NCOA1: variants seen among roughly 807,000 people sequenced by gnomAD.
NCOA1 encodes nuclear receptor coactivator 1.
NCOA1 carries 35 observed loss-of-function variants against 150.9 expected under a neutral mutation model. The observed-to-expected ratio is 0.23, with a 90% CI of 0.18 to 0.31. The LOEUF is 0.31. NCOA1 is among the 10% of genes least tolerant of loss of function. The probability of loss-of-function intolerance (pLI) is 1.00; values close to 1 mark genes in which losing one functional copy is unlikely to be tolerated. For missense variants in NCOA1, 1,491 were observed against 1,749.3 expected (o/e 0.85, Z 2.63); for synonymous variants, 590 against 630.0 (o/e 0.94, Z 0.95).
At chr2:24,655,048 G>A (rs1558876941) in intron 4 of NCOA1, among the ~76,000 whole-genome samples, 1 of 151,930 alleles carries the variant, frequency 6.6e-6, no homozygotes, top group Admixed American at 6.6e-5. Flanking sequence ...TTAATTTTAT[G>A]TGTTGTTGTC....
chr2:24,751,245 C>T (rs1339812452), intron 19 of NCOA1, among the ~76,000 whole-genome samples: 2 of 150,200 alleles, frequency 1.3e-5, no homozygotes, highest in African/African-American at 2.4e-5. Context: ...GGATTACAGG[C>T]GTGAGCCACA....
At chr2:24,687,358 C>CT (rs879418456) in intron 8 of NCOA1, among the ~76,000 whole-genome samples, 32 of 145,472 alleles carry the variant, frequency 2.2e-4, no homozygotes, top group East Asian at 7.9e-4. Context: ...AATGTAAAGC[C>CT]TTTTTTTTTT....
chr2:24,656,699 T>C (rs1670968018), intron 4 of NCOA1, among the ~76,000 whole-genome samples: 1 of 152,218 alleles, frequency 6.6e-6, no homozygotes, highest in East Asian at 1.9e-4. Context: ...AGTTTACACA[T>C]GAGTGAGAAT....
intron 3 of NCOA1, among the ~76,000 whole-genome samples, chr2:24,615,571 G>A (rs1048665367): frequency 6.6e-6 from 1 of 152,138 alleles, no homozygotes; most frequent in African/African-American, 2.4e-5. Context: ...ACTGGTCGAT[G>A]GTGCTGGTGG....
At chr2:24,721,224 ATTAC>A (rs1171021037) in intron 14 of NCOA1, among the ~76,000 whole-genome samples, 1 of 152,088 alleles carries the variant, frequency 6.6e-6, no homozygotes, top group Non-Finnish European at 1.5e-5. Context: ...TTAGGAGTCT[ATTAC>A]TTTTTATGGA....
At chr2:24,653,609 T>TA (rs1006645057) in intron 4 of NCOA1, among the ~76,000 whole-genome samples, 14 of 152,136 alleles carry the variant, frequency 9.2e-5, no homozygotes, top group Non-Finnish European at 1.5e-4. Flanking sequence ...GGATATACAA[T>TA]AAAAAGATCT....
intron 18 of NCOA1, 105 bp downstream of exon 18, chr2:24,739,638 A>T (rs1414719162): frequency 1.3e-6 from 1 of 779,046 alleles, no homozygotes; most frequent in Non-Finnish European, 2.1e-6. Flanking sequence ...CTGATCTTTT[A>T]ATGATGTTTG....
At chr2:24,534,058 A>G (rs564841149) in intron 1 of NCOA1, among the ~76,000 whole-genome samples, 52 of 151,042 alleles carry the variant, frequency 3.4e-4, no homozygotes, top group African/African-American at 1.2e-3. Context: ...TTCAGCTGTG[A>G]ATCCGTCTGG....
At chr2:24,562,423 A>G (rs1666327622) in intron 1 of NCOA1, among the ~76,000 whole-genome samples, 4 of 152,222 alleles carry the variant, frequency 2.6e-5, no homozygotes, top group Admixed American at 2.0e-4. Context: ...TCTGGTCCCA[A>G]GCATTTTGGA....
At chr2:24,709,067 A>C (rs1673603683) in intron 13 of NCOA1, among the ~76,000 whole-genome samples, 1 of 152,108 alleles carries the variant, frequency 6.6e-6, no homozygotes. Flanking sequence ...GGTTCTGTGC[A>C]TGTGTGTTCT....
chr2:24,579,744 G>A (rs1322506674), intron 2 of NCOA1, among the ~76,000 whole-genome samples: 1 of 152,150 alleles, frequency 6.6e-6, no homozygotes, highest in African/African-American at 2.4e-5. Context: ...AGATAGAGGC[G>A]TCCTGGTAAA....
chr2:24,716,800 G>T (rs1273341488), intron 14 of NCOA1, among the ~76,000 whole-genome samples: 2 of 152,120 alleles, frequency 1.3e-5, no homozygotes, highest in Non-Finnish European at 2.9e-5. Context: ...AACCCAGATG[G>T]GTTCACTTGT....
chr2:24,720,938 C>T (rs1674330514), intron 14 of NCOA1, among the ~76,000 whole-genome samples: 1 of 152,140 alleles, frequency 6.6e-6, no homozygotes, highest in Non-Finnish European at 1.5e-5. Flanking sequence ...AACTGTGTCA[C>T]GTACAAATAT....
At chr2:24,674,710 A>T (rs1242789466) in intron 7 of NCOA1, among the ~76,000 whole-genome samples, 1 of 152,004 alleles carries the variant, frequency 6.6e-6, no homozygotes, top group Non-Finnish European at 1.5e-5. Context: ...TTCTTAGCAG[A>T]GTACTTTATA....
chr2:24,681,373 T>G (rs1403389598), intron 7 of NCOA1, among the ~76,000 whole-genome samples: 1 of 152,152 alleles, frequency 6.6e-6, no homozygotes, highest in Non-Finnish European at 1.5e-5. Context: ...CAAAGCCCAC[T>G]GAGAATCTAA....
chr2:24,668,594 C>T (rs1229103168), intron 6 of NCOA1, among the ~76,000 whole-genome samples: 3 of 152,094 alleles, frequency 2.0e-5, no homozygotes, highest in Non-Finnish European at 4.4e-5. Context: ...GTATTACCTC[C>T]AGTTATACCT....
intron 1 of NCOA1, chr2:24,492,130 C>T (rs1400953936): frequency 6.6e-6 from 1 of 152,168 alleles, no homozygotes; most frequent in Non-Finnish European, 1.5e-5. Flanking sequence ...CCCTCGACGG[C>T]GCTTGGGTTT....
At chr2:24,504,635 C>T (rs1253181508) in intron 1 of NCOA1, among the ~76,000 whole-genome samples, 1 of 152,094 alleles carries the variant, frequency 6.6e-6, no homozygotes, top group Non-Finnish European at 1.5e-5. Flanking sequence ...GAATGGTAGC[C>T]TTTGGGACAA....
intron 7 of NCOA1, among the ~76,000 whole-genome samples, chr2:24,680,810 T>A (rs1354892721): frequency 6.6e-6 from 1 of 152,158 alleles, no homozygotes; most frequent in Non-Finnish European, 1.5e-5. Flanking sequence ...TGTATACATA[T>A]TTGAAAACAT....
Sources: gnomAD v4.1 joint callset for allele counts (sites outside exome capture counted in the v4.1 genomes callset) on GRCh38, gnomAD v4.1.1 for gene constraint, MANE v1.5 for transcripts, NCBI Gene and HGNC (gene_info 2026-07-23, HGNC 2026-07-21) for gene names.